HIPK1: variants seen among roughly 807,000 people sequenced by gnomAD.
HIPK1 encodes the protein homeodomain-interacting protein kinase 1.
In HIPK1, 28 loss-of-function variants were observed where a neutral mutation model predicts 117.1. That is an observed-to-expected ratio of 0.24 (90% CI 0.18 to 0.33). The LOEUF (loss-of-function observed/expected upper bound fraction) is 0.33. HIPK1 is among the 10% of genes least tolerant of loss of function. HIPK1 has a pLI of 1.00. For missense variants in HIPK1, 1,122 were observed against 1,475.1 expected (o/e 0.76, Z 3.92); for synonymous variants, 605 against 562.5 (o/e 1.08, Z -1.07).
At chr1:113,961,548 C>T (rs1005139793) in intron 8 of HIPK1, among the ~76,000 whole-genome samples, 1 of 152,160 alleles carries the variant, frequency 6.6e-6, no homozygotes, top group African/African-American at 2.4e-5. Flanking sequence ...AATTATTGAG[C>T]TTTTCGTAAT....
chr1:113,957,127 TAAGTC>T lies in HIPK1; in HGVS notation c.1597_1601del (p.Lys533LeufsTer16). ...GAATCTTTAATCTCCTTTTCAGTGTTAAGTCTTGTTTTCAGAACATGGAGATCTGC... is the reference window on the plus strand; with the variant it reads ...GAATCTTTAATCTCCTTTTCAGTGTTTTGTTTTCAGAACATGGAGATCTGC... On this transcript the variant is annotated frameshift_variant, in exon 7 of 16. Transcript: ENST00000426820. LOFTEE classifies it high-confidence loss of function. 1 of 1,611,652 alleles carries T rather than the reference TAAGTC, an allele frequency of 6.2e-7. No individual in the cohort carries two copies. The highest frequency in any genetic ancestry group is 8.5e-7 in the Non-Finnish European group (1 of 1,177,858).
At chr1:113,944,159 GTTTTTTTTT>G (rs140161727) in intron 2 of HIPK1, among the ~76,000 whole-genome samples, 18 of 55,236 alleles carry the variant, frequency 3.3e-4, no homozygotes, top group South Asian at 7.9e-4. Context: ...ATAGCCATGG[GTTTTTTTTT>G]TTTTTTTTTT....
chr1:113,938,262 A>G (rs1486300797), intron 1 of HIPK1, among the ~76,000 whole-genome samples: 1 of 150,580 alleles, frequency 6.6e-6, no homozygotes, highest in African/African-American at 2.4e-5. Flanking sequence ...GAGCCACCAC[A>G]TCTGGCCTAA....
At chr1:113,960,993 C>G (rs1397010505) in intron 8 of HIPK1, among the ~76,000 whole-genome samples, 1 of 152,106 alleles carries the variant, frequency 6.6e-6, no homozygotes, top group Non-Finnish European at 1.5e-5. Context: ...AAAATGTCAC[C>G]TAAGTAGTCT....
chr1:113,963,225 A>C (rs1260948407), intron 9 of HIPK1, among the ~76,000 whole-genome samples, 162 bp from the exon 10 acceptor site: 1 of 152,224 alleles, frequency 6.6e-6, no homozygotes, highest in African/African-American at 2.4e-5. Context: ...GGCCAATGCC[A>C]TACAAAGTTG....
chr1:113,929,893 T>G (rs1472920772), intron 1 of HIPK1: 1 of 986,168 alleles, frequency 1.0e-6, no homozygotes, highest in Non-Finnish European at 1.2e-6. Context: ...CTCCGCCGCC[T>G]CCTCACGGCA....
Position 113,929,363 on chromosome 1 carries a change from T to A in HIPK1, c.-172T>A, listed in dbSNP as rs776660430. On this transcript the variant is annotated 5_prime_UTR_variant, in exon 1 of 16. Transcript: ENST00000426820. ...GGATCCCGTACCACCGCCAGGCACC[T>A]TTAAATCACCGCAGAGTCTGCAGTG... is the stretch of plus-strand genomic sequence containing the variant. 35 of 1,289,336 alleles carry A rather than the reference T, an allele frequency of 2.7e-5. No homozygotes were observed. The South Asian group carries it at 4.2e-4, about 15-fold the overall frequency. 79.9% of individuals were successfully genotyped at this position (1,289,336 alleles called of 1,614,324 possible). A position where few individuals can be genotyped will look rare whatever the true frequency, so the allele number is the denominator to read the frequency against.
chr1:113,963,626 C>CA (rs1558144937), intron 10 of HIPK1, 105 bp downstream of exon 10: 2 of 1,425,488 alleles, frequency 1.4e-6, no homozygotes, highest in East Asian at 4.7e-5. Flanking sequence ...GTTTATTTTT[C>CA]AAAAAAATTT....
intron 1 of HIPK1, among the ~76,000 whole-genome samples, chr1:113,935,796 A>G (rs772215678): frequency 2.0e-5 from 3 of 152,168 alleles, no homozygotes; most frequent in Non-Finnish European, 4.4e-5. Flanking sequence ...AATTTTTCAT[A>G]TGCTTGTTGA....
chr1:113,970,085 C>A lies in HIPK1; in HGVS notation c.2901C>A (p.Ser967=). The part of the protein sequence containing the change: ...TLSALRGNSG[S]VLEGPGRVVA... ...GTGCTCTCCGAGGCAATAGTGGATCCGTTTTGGAGGGGCCTGGCAGAGTTG... is the reference window on the plus strand; with the variant it reads ...GTGCTCTCCGAGGCAATAGTGGATCAGTTTTGGAGGGGCCTGGCAGAGTTG... The change falls in exon 14 of 16, where the codon TCC becomes TCA. Residue 967 remains serine (S), a synonymous_variant. Transcript: ENST00000426820. 1 of 1,614,148 alleles carries A rather than the reference C, an allele frequency of 6.2e-7. No individual in the cohort carries two copies. Among genetic ancestry groups the A allele is most frequent in the East Asian group, 2.2e-5 (1 of 44,886 alleles).
chr1:113,959,298 G>C (rs1201073626), intron 8 of HIPK1, among the ~76,000 whole-genome samples: 1 of 151,844 alleles, frequency 6.6e-6, no homozygotes, highest in East Asian at 1.9e-4. Flanking sequence ...GAGGGGCTAG[G>C]GGGGTCAGAG....
At chr1:113,942,025 C>T (rs1263441286) in intron 2 of HIPK1, among the ~76,000 whole-genome samples, 4 of 151,032 alleles carry the variant, frequency 2.6e-5, no homozygotes, top group African/African-American at 4.9e-5. Flanking sequence ...CCTCCCAAAG[C>T]GCTGGGATTA....
chr1:113,939,337 T>G (rs113268589), intron 1 of HIPK1, among the ~76,000 whole-genome samples: 4,594 of 141,376 alleles, frequency 0.032, 133 homozygotes, highest in African/African-American at 0.075. Context: ...GTTTTTTTTT[T>G]TTTTTGTTGT....
chr1:113,959,293 G>A (rs1434708094), intron 8 of HIPK1, among the ~76,000 whole-genome samples: 1 of 134,464 alleles, frequency 7.4e-6, no homozygotes, highest in Non-Finnish European at 1.7e-5. Context: ...GAAAAGAGGG[G>A]CTAGGGGGGT....
At chr1:113,946,728 C>T (rs576658035) in intron 2 of HIPK1, among the ~76,000 whole-genome samples, 1 of 152,262 alleles carries the variant, frequency 6.6e-6, no homozygotes, top group South Asian at 2.1e-4. Flanking sequence ...TTAAGTGGAG[C>T]TAAGTTTGCC....
In HIPK1 at chr1:113,966,873, C is replaced by T. The variant is rs190563378; in HGVS notation, c.2381+601C>T. 1.1e-3 allele frequency among the ~76,000 whole-genome samples: 164 copies of T among 149,740 alleles called. No individual in the cohort carries two copies. In the East Asian group the frequency reaches 0.025, roughly 23 times the overall value. On this transcript the variant is annotated intron_variant, in intron 11 of 15. Coordinates refer to ENST00000426820, the MANE Select transcript of HIPK1 (RefSeq NM_198268.3). ...TTTTTGTACCCATTAACCATCCCTA[C>T]CTCCCCACTAGCCCTCCACTACTCT... is the stretch of plus-strand genomic sequence containing the variant.
Position 113,956,751 on chromosome 1 carries a change from A to G in HIPK1, c.1532A>G (p.Lys511Arg). The part of the protein sequence containing the change: ...IDADKRITPL[K>R]TLNHQFVTMT... ...GCAGATAAGAGAATTACCCCTCTAAAAACTCTTAACCATCAGTTTGTGACA... is the reference window on the plus strand; with the variant it reads ...GCAGATAAGAGAATTACCCCTCTAAGAACTCTTAACCATCAGTTTGTGACA... Residue 511 changes from lysine to arginine, a missense_variant, in exon 6 of 16, where the codon AAA (lysine) becomes AGA (arginine). Lys to Arg is a conservative substitution (Grantham distance 26, BLOSUM62 2). Transcript: ENST00000426820. The G allele has an allele frequency of 6.2e-7, 1 of 1,614,118 alleles. No individual in the cohort carries two copies.
intron 1 of HIPK1, among the ~76,000 whole-genome samples, chr1:113,932,510 C>CA (rs11452180): frequency 0.24 from 36,307 of 151,666 alleles, 4,408 homozygotes; most frequent in East Asian, 0.25. Context: ...GCTAGGACTA[C>CA]AGGCACTACA....
chr1:113,954,799 C>A, intron 4 of HIPK1, 29 bp downstream of exon 4: 1 of 1,590,258 alleles, frequency 6.3e-7, no homozygotes, highest in Non-Finnish European at 8.6e-7. Flanking sequence ...GCTTCCGACT[C>A]CTGTACTCCA....
Sources: gnomAD v4.1 joint callset for allele counts (sites outside exome capture counted in the v4.1 genomes callset) on GRCh38, gnomAD v4.1.1 for gene constraint, MANE v1.5 for transcripts, NCBI Gene and HGNC (gene_info 2026-07-23, HGNC 2026-07-21) for gene names.